The following RBFOX1 variants were observed in gnomAD, a reference collection of about 807,000 sequenced individuals.
RBFOX1 encodes the protein RNA binding protein fox-1 homolog 1.
A neutral mutation model predicts 57.7 loss-of-function variants in RBFOX1; 8 were observed. The observed-to-expected ratio is 0.14, with a 90% CI of 0.08 to 0.25. The LOEUF is 0.25. Ranked by LOEUF, RBFOX1 falls within the 10% of genes least tolerant of loss-of-function variation. The pLI is 1.00. For synonymous variants in RBFOX1, 326 were observed against 222.4 expected, an observed-to-expected ratio of 1.47 and a Z score of -4.15; for missense variants, 611 against 548.5, an observed-to-expected ratio of 1.11 and a Z score of -1.14.
intron 3 of RBFOX1, among the ~76,000 whole-genome samples, chr16:7,018,133 C>G (rs1295269422): frequency 6.6e-6 from 1 of 152,100 alleles, no homozygotes; most frequent in South Asian, 2.1e-4. Context: ...AAGGGAAGCC[C>G]ATCTGGAAAT....
chr16:7,139,953 A>G (rs1445214713), intron 4 of RBFOX1, among the ~76,000 whole-genome samples: 5 of 152,102 alleles, frequency 3.3e-5, no homozygotes, highest in South Asian at 2.1e-4. Flanking sequence ...AAGAACTGAC[A>G]TGAGTTTTAG....
chr16:6,475,871 C>T (rs577990597), intron 2 of RBFOX1, among the ~76,000 whole-genome samples: 23 of 152,276 alleles, frequency 1.5e-4, no homozygotes, highest in Middle Eastern at 6.8e-3. Context: ...GGATAATCTA[C>T]GTCGCATTTT....
intron 2 of RBFOX1, among the ~76,000 whole-genome samples, chr16:6,438,676 G>A (rs189604321): frequency 6.6e-6 from 1 of 152,244 alleles, no homozygotes; most frequent in East Asian, 1.9e-4. Context: ...CACAGATGAG[G>A]AGGGCAAAGT....
At chr16:6,913,379 G>C (rs964793481) in intron 3 of RBFOX1, among the ~76,000 whole-genome samples, 8 of 152,068 alleles carry the variant, frequency 5.3e-5, no homozygotes, top group Non-Finnish European at 8.8e-5. Flanking sequence ...CTCAGGCCAA[G>C]AGCAGCTGCT....
intron 3 of RBFOX1, among the ~76,000 whole-genome samples, chr16:6,740,189 C>T (rs900371697): frequency 2.6e-5 from 4 of 152,050 alleles, no homozygotes; most frequent in African/African-American, 9.7e-5. Context: ...TTAGCTGATG[C>T]AGGAAAACAT....
At chr16:6,184,937 C>G (rs563610240) in intron 1 of RBFOX1, among the ~76,000 whole-genome samples, 28 of 152,132 alleles carry the variant, frequency 1.8e-4, no homozygotes, top group Non-Finnish European at 3.8e-4. Flanking sequence ...GCAAGAGAAG[C>G]AGCTGTTCAG....
At chr16:6,442,945 A>G (rs148585884) in intron 2 of RBFOX1, among the ~76,000 whole-genome samples, 129 of 152,300 alleles carry the variant, frequency 8.5e-4, no homozygotes, top group African/African-American at 2.9e-3. Context: ...CTTAATAAAA[A>G]TGTATCTTTC....
At chr16:5,662,499 G>A (rs2049688880) in intron 3 of RBFOX1, among the ~76,000 whole-genome samples, 1 of 152,120 alleles carries the variant, frequency 6.6e-6, no homozygotes, top group Non-Finnish European at 1.5e-5. Context: ...TAGCATCAGA[G>A]TATTACCATG....
intron 3 of RBFOX1, among the ~76,000 whole-genome samples, chr16:6,989,757 T>G (rs1345021246): frequency 6.6e-6 from 1 of 152,148 alleles, no homozygotes; most frequent in African/African-American, 2.4e-5. Context: ...TCCAGCACTT[T>G]GGGAGGCTAA....
At chr16:6,685,259 G>A (rs998003099) in intron 3 of RBFOX1, among the ~76,000 whole-genome samples, 2 of 147,892 alleles carry the variant, frequency 1.4e-5, no homozygotes, top group Non-Finnish European at 3.0e-5. Flanking sequence ...TGTACTAAGA[G>A]AGGGAGAGTT....
intron 4 of RBFOX1, among the ~76,000 whole-genome samples, chr16:7,160,836 TTCC>T (rs56757825): frequency 0.14 from 20,718 of 143,866 alleles, 3,193 homozygotes; most frequent in African/African-American, 0.37. Flanking sequence ...TCCCTCCTCC[TTCC>T]TCCTCCTCCT....
intron 1 of RBFOX1, among the ~76,000 whole-genome samples, chr16:5,451,505 A>G (rs1433194675): frequency 2.0e-5 from 3 of 152,244 alleles, no homozygotes; most frequent in Admixed American, 6.5e-5. Context: ...TTGAGGGCCT[A>G]CTAGGTGCAG....
intron 2 of RBFOX1, among the ~76,000 whole-genome samples, chr16:5,588,178 A>G (rs1331205953): frequency 6.6e-6 from 1 of 152,158 alleles, no homozygotes; most frequent in African/African-American, 2.4e-5. Context: ...AGAAGAAAGT[A>G]GATCGGTGAT....
At chr16:6,310,300 T>C (rs1260733828) in intron 1 of RBFOX1, among the ~76,000 whole-genome samples, 4 of 152,250 alleles carry the variant, frequency 2.6e-5, no homozygotes, top group Non-Finnish European at 5.9e-5. Context: ...GAATCTTCAG[T>C]GAGCACTTAC....
At chr16:5,682,182 G>A (rs2050362031) in intron 3 of RBFOX1, among the ~76,000 whole-genome samples, 1 of 152,172 alleles carries the variant, frequency 6.6e-6, no homozygotes, top group African/African-American at 2.4e-5. Context: ...TGCTCCTGCT[G>A]GCTTTGTTAC....
chr16:7,025,571 G>T lies in RBFOX1; in HGVS notation c.-15-26486G>T, dbSNP rs140449978. 1.7e-3 allele frequency among the ~76,000 whole-genome samples: 257 copies of T among 152,260 alleles called. 3 individuals are homozygous for T. Among genetic ancestry groups the T allele is most frequent in the African/African-American group, 5.9e-3 (247 of 41,566 alleles). On this transcript the variant is annotated intron_variant, in intron 3 of 15. Coordinates refer to ENST00000550418, the MANE Select transcript of RBFOX1 (RefSeq NM_018723.4). ...ACCGGATCCCAAGACATAAGATTGT[G>T]CAGTGTGCATTTGCATGCTTCTCAG...
chr16:7,148,399 CTT>C (rs1208363058), intron 4 of RBFOX1, among the ~76,000 whole-genome samples: 2 of 152,222 alleles, frequency 1.3e-5, no homozygotes, highest in African/African-American at 4.8e-5. Flanking sequence ...ACACTCCCCT[CTT>C]TTGAATTTTC....
chr16:5,307,652 C>T (rs902543344), intron 1 of RBFOX1, among the ~76,000 whole-genome samples: 1 of 152,140 alleles, frequency 6.6e-6, no homozygotes, highest in Non-Finnish European at 1.5e-5. Context: ...GTCTGAGGGT[C>T]TTAGATTTTA....
At chr16:6,989,832 T>C (rs2091108308) in intron 3 of RBFOX1, among the ~76,000 whole-genome samples, 1 of 151,934 alleles carries the variant, frequency 6.6e-6, no homozygotes. Flanking sequence ...AAATTCCATC[T>C]CTACTAAAAA....
Sources: allele counts gnomAD v4.1 joint callset (sites outside exome capture counted in the v4.1 genomes callset), GRCh38; gene constraint gnomAD v4.1.1; transcripts MANE v1.5; gene names NCBI Gene and HGNC (gene_info 2026-07-23, HGNC 2026-07-21).